WDR17: variants seen among roughly 807,000 people sequenced by gnomAD.
The protein encoded by WDR17 is WD repeat-containing protein 17.
In WDR17, 143 loss-of-function variants were observed where a neutral mutation model predicts 161.7. That is an observed-to-expected ratio of 0.88 (90% CI 0.77 to 1.02). WDR17 has a LOEUF of 1.02. Among genes scored for constraint, WDR17 ranks in the 50% least tolerant of loss-of-function variants. The pLI is 0.00. For synonymous variants in WDR17, 517 were observed against 515.6 expected, an observed-to-expected ratio of 1.00 and a Z score of -0.04; for missense variants, 1,469 against 1,520.9, an observed-to-expected ratio of 0.97 and a Z score of 0.57.
chr4:176,147,001 G>A (rs1253753593), intron 12 of WDR17, among the ~76,000 whole-genome samples: 1 of 151,928 alleles, frequency 6.6e-6, no homozygotes, highest in Non-Finnish European at 1.5e-5. Context: ...CTAGTAGCTG[G>A]GACTACAGGT....
At chr4:176,178,638 C>T (rs141905056) in intron 28 of WDR17, among the ~76,000 whole-genome samples, 4 of 152,232 alleles carry the variant, frequency 2.6e-5, no homozygotes, top group African/African-American at 7.2e-5. Flanking sequence ...AGAAAGTTGA[C>T]GTGTTTGGGT....
chr4:176,068,490 C>A (rs11722594), intron 1 of WDR17: 1,642 of 152,208 alleles, frequency 0.011, 14 homozygotes, highest in Non-Finnish European at 0.019. Context: ...ATCCCAGCTA[C>A]TTGGGAGGCT....
At chr4:176,111,395 T>G (rs1203771921) in intron 1 of WDR17, 180 bp from the exon 2 acceptor site, 2 of 450,736 alleles carry the variant, frequency 4.4e-6, no homozygotes, top group Non-Finnish European at 7.3e-6. Flanking sequence ...GTTGCCTTGA[T>G]GTCTGCAGAC....
chr4:176,129,112 C>T (rs1213564377), intron 6 of WDR17, among the ~76,000 whole-genome samples: 2 of 151,876 alleles, frequency 1.3e-5, no homozygotes, highest in Non-Finnish European at 2.9e-5. Flanking sequence ...TTCAGATTAT[C>T]TACATGGAAA....
In WDR17 at chr4:176,099,038, T is replaced by C. The variant is rs895222226; in HGVS notation, c.-6-12537T>C. Among the ~76,000 whole-genome samples the C allele has an allele frequency of 4.0e-4, 61 of 152,094 alleles. 1 individual carries two copies. Among genetic ancestry groups the C allele is most frequent in the Non-Finnish European group, 8.8e-5 (6 of 67,992 alleles). On this transcript the variant is annotated intron_variant, in intron 1 of 28. Transcript: ENST00000508596. ...TAATAAATCAAGATATACTCTGAGT[T>C]AAAGTCAAAATGTATTGGCATAAAT...
intron 1 of WDR17, among the ~76,000 whole-genome samples, chr4:176,095,462 G>T (rs1286660773): frequency 2.0e-5 from 3 of 152,124 alleles, no homozygotes; most frequent in Non-Finnish European, 4.4e-5. Context: ...TCACAGTAGA[G>T]ATAAGGCTGT....
Position 176,163,232 on chromosome 4 carries a change from G to A in WDR17, c.2929G>A (p.Ala977Thr). 2.5e-6 allele frequency: 4 copies of A among 1,613,914 alleles called. No individual in the cohort carries two copies. Among genetic ancestry groups the A allele is most frequent in the Non-Finnish European group, 3.4e-6 (4 of 1,179,944 alleles). Residue 977 changes from alanine (A) to threonine (T), a missense_variant, in exon 22 of 29, where the codon GCA becomes ACA. Ala to Thr is a moderately conservative substitution (Grantham distance 58). Transcript: ENST00000508596. ...CVGTVLGESAAPATHYALELL... is the reference protein window; with the variant it reads ...CVGTVLGESATPATHYALELL... ...GGGCACAGTACTAGGAGAGTCTGCA[G>A]CACCAGCAACCCACTATGCCTTAGA...
chr4:176,178,827 G>C (rs957264825), intron 28 of WDR17, among the ~76,000 whole-genome samples: 2 of 152,142 alleles, frequency 1.3e-5, no homozygotes, highest in African/African-American at 2.4e-5. Context: ...ATTGCATCTT[G>C]TGTTTTTGAA....
intron 18 of WDR17, among the ~76,000 whole-genome samples, chr4:176,157,242 A>G (rs1173165846): frequency 3.9e-5 from 6 of 152,202 alleles, no homozygotes; most frequent in East Asian, 1.9e-4. Flanking sequence ...ATAGAGTACT[A>G]TATATTATTA....
intron 15 of WDR17, 55 bp from the exon 16 acceptor site, chr4:176,150,413 A>G: frequency 6.4e-7 from 1 of 1,552,820 alleles, no homozygotes; most frequent in Non-Finnish European, 8.7e-7. Flanking sequence ...AAGATGCAAA[A>G]TATTATGAGG....
intron 22 of WDR17, among the ~76,000 whole-genome samples, chr4:176,166,970 T>C (rs1262442150): frequency 1.3e-5 from 2 of 152,174 alleles, no homozygotes; most frequent in Non-Finnish European, 2.9e-5. Context: ...TATCAAAATA[T>C]TTTATGTAAA....
intron 23 of WDR17, 37 bp downstream of exon 23, chr4:176,168,820 C>T (rs200683867): frequency 1.3e-5 from 20 of 1,591,982 alleles, no homozygotes; most frequent in South Asian, 2.3e-5. Flanking sequence ...GTTTGGAATG[C>T]AGTGCTATGA....
At chr4:176,129,427 C>T (rs999026704) in intron 6 of WDR17, among the ~76,000 whole-genome samples, 3 of 151,884 alleles carry the variant, frequency 2.0e-5, no homozygotes, top group African/African-American at 7.2e-5. Context: ...ATAAAATACA[C>T]TTAATTTATA....
intron 11 of WDR17, among the ~76,000 whole-genome samples, chr4:176,143,515 A>G (rs1745646675): frequency 6.7e-6 from 1 of 149,694 alleles, no homozygotes. Flanking sequence ...AAAAAAAAAA[A>G]TGAAAAATGA....
chr4:176,159,424 C>A (rs1748697138), intron 18 of WDR17, among the ~76,000 whole-genome samples: 1 of 151,900 alleles, frequency 6.6e-6, no homozygotes, highest in Admixed American at 6.6e-5. Flanking sequence ...CTAAGATTAC[C>A]ATCCCCTTTC....
intron 5 of WDR17, among the ~76,000 whole-genome samples, chr4:176,126,101 T>C (rs1742405052): frequency 1.3e-5 from 2 of 152,230 alleles, no homozygotes; most frequent in South Asian, 4.1e-4. Context: ...TGCCTCTGAT[T>C]AGACCCTATC....
At chr4:176,143,477 A>C (rs1019427550) in intron 11 of WDR17, among the ~76,000 whole-genome samples, 2 of 151,280 alleles carry the variant, frequency 1.3e-5, no homozygotes, top group African/African-American at 4.9e-5. Context: ...CAGCCTGGGC[A>C]ACATAGTGAG....
At chr4:176,111,391 T>C in intron 1 of WDR17, 184 bp from the exon 2 acceptor site, 1 of 440,198 alleles carries the variant, frequency 2.3e-6, no homozygotes, top group Non-Finnish European at 3.7e-6. Context: ...ATTAGTTGCC[T>C]TGATGTCTGC....
At chr4:176,167,668 A>AAAAAAAAAAAAC (rs1750068707) in intron 22 of WDR17, among the ~76,000 whole-genome samples, 1 of 146,186 alleles carries the variant, frequency 6.8e-6, no homozygotes, top group South Asian at 2.2e-4. Context: ...AAAAAAAAAA[A>AAAAAAAAAAAAC]AAAACAATAT....
Sources: gnomAD v4.1 joint callset for allele counts (sites outside exome capture counted in the v4.1 genomes callset) on GRCh38, gnomAD v4.1.1 for gene constraint, MANE v1.5 for transcripts, NCBI Gene and HGNC (gene_info 2026-07-23, HGNC 2026-07-21) for gene names.